The following VWCE variants were observed in gnomAD, a reference collection of about 807,000 sequenced individuals.
VWCE encodes the protein von Willebrand factor C and EGF domain-containing protein.
In VWCE, 68 loss-of-function variants were observed where a neutral mutation model predicts 102.9. The observed-to-expected ratio is 0.66, with a 90% CI of 0.54 to 0.81. The LOEUF is 0.81. Among genes scored for constraint, VWCE ranks in the 30% least tolerant of loss-of-function variants. The probability of loss-of-function intolerance (pLI) is 0.00; values close to 1 mark genes in which losing one functional copy is unlikely to be tolerated. For missense variants in VWCE, 1,137 were observed against 1,263.6 expected (o/e 0.90, Z 1.52); for synonymous variants, 497 against 515.4 (o/e 0.96, Z 0.48).
intron 9 of VWCE, among the ~76,000 whole-genome samples, chr11:61,280,187 C>T (rs1372447853): frequency 3.9e-5 from 6 of 151,914 alleles, no homozygotes. Context: ...AAAAAGGGGG[C>T]AGAATTTAGA....
chr11:61,290,952 G>A (rs745314137), intron 3 of VWCE, 25 bp from the exon 4 acceptor site: 3 of 1,605,208 alleles, frequency 1.9e-6, no homozygotes, highest in South Asian at 1.1e-5. Context: ...ACACCAGTGA[G>A]CATGCACCCC....
intron 12 of VWCE, 115 bp from the exon 13 acceptor site, chr11:61,273,431 C>A: frequency 3.1e-6 from 3 of 960,848 alleles, no homozygotes; most frequent in Non-Finnish European, 4.6e-6. Context: ...TCAAGTGAAA[C>A]TGACAAAGAA....
At chr11:61,273,422 CAAGTGAAACTGACAAAGAAATCTACTA>C (rs1358969411) in intron 12 of VWCE, 106 bp from the exon 13 acceptor site, 43 of 1,038,168 alleles carry the variant, frequency 4.1e-5, no homozygotes, top group Admixed American at 5.3e-5. Context: ...CCCGGCTACT[CAAGTGAAACTGACAAAGAAATCTACTA>C]AAGTGAAACT....
Position 61,286,470 on chromosome 11 carries a change from G to A in VWCE, c.425-40C>T, listed in dbSNP as rs764232816. 119 of 1,560,856 alleles carry A rather than the reference G, an allele frequency of 7.6e-5. No homozygotes were observed. The Admixed American group carries it at 1.8e-3, about 24-fold the overall frequency. On this transcript the variant is annotated intron_variant, in intron 4 of 19. Transcript: ENST00000335613. ...AGCACGTGTTTACACAGTGGTCCTC[G>A]CAAGAGGAACTTACACATTTGTCAG...
intron 13 of VWCE, 94 bp from the exon 14 acceptor site, chr11:61,271,854 C>T (rs1854716086): frequency 1.2e-5 from 13 of 1,047,326 alleles, no homozygotes; most frequent in Non-Finnish European, 1.9e-5. Context: ...CACACACAGA[C>T]ACCGATATCA....
chr11:61,286,958 G>A lies in VWCE; in HGVS notation c.425-528C>T, dbSNP rs543483673. 4.6e-5 allele frequency among the ~76,000 whole-genome samples: 7 copies of A among 151,482 alleles called. No homozygotes were observed. The East Asian group carries it at 9.8e-4, about 21-fold the overall frequency. The stretch of plus-strand genomic sequence containing the variant: ...TAAAAATACAAAAAATTAGCTGGGC[G>A]CGGTGGCGGGCACCTGTAGTCCCAG... On this transcript the variant is annotated intron_variant, in intron 4 of 19. Transcript: ENST00000335613.
At chr11:61,278,932 G>A (rs1164579996) in intron 9 of VWCE, among the ~76,000 whole-genome samples, 1 of 152,028 alleles carries the variant, frequency 6.6e-6, no homozygotes, top group African/African-American at 2.4e-5. Flanking sequence ...CCAGCTACTC[G>A]GGAGGCTGAA....
At chr11:61,282,302 T>C (rs1316981439) in intron 6 of VWCE, among the ~76,000 whole-genome samples, 1 of 152,120 alleles carries the variant, frequency 6.6e-6, no homozygotes, top group Non-Finnish European at 1.5e-5. Context: ...TCGGGACAAA[T>C]ACCTAACTCC....
In VWCE at chr11:61,259,088, C is replaced by CT; in HGVS notation, c.2454dup (p.Gly819ArgfsTer109). The CT allele has an allele frequency of 6.2e-7, 1 of 1,614,058 alleles. No individual in the cohort carries two copies. Among genetic ancestry groups the CT allele is most frequent in the Non-Finnish European group, 8.5e-7 (1 of 1,179,944 alleles). On this transcript the variant is annotated frameshift_variant, in exon 20 of 20. Coordinates refer to ENST00000335613, the MANE Select transcript of VWCE (RefSeq NM_152718.2). LOFTEE classifies it low-confidence loss of function (END_TRUNC). ...GCGAGTGAGTGTGGACCATGAGCTC[C>CT]TGCCGGGCTTGTAGGTAAAGTCTGT...
intron 9 of VWCE, 48 bp downstream of exon 9, chr11:61,280,576 G>A: frequency 6.3e-7 from 1 of 1,590,838 alleles, no homozygotes. Flanking sequence ...GGAGGGTGCA[G>A]AGAAAGGAAG....
chr11:61,270,074 C>G (rs547936088), intron 14 of VWCE, among the ~76,000 whole-genome samples: 39 of 152,118 alleles, frequency 2.6e-4, no homozygotes, highest in African/African-American at 8.7e-4. Flanking sequence ...CCCGCCACCA[C>G]GCCCAGCTAA....
intron 14 of VWCE, chr11:61,271,374 T>C: frequency 3.3e-6 from 1 of 301,466 alleles, no homozygotes; most frequent in Non-Finnish European, 6.6e-6. Flanking sequence ...CTCGATCTCC[T>C]GACCTTGTGA....
chr11:61,280,636 G>A lies in VWCE; in HGVS notation c.1312C>T (p.Pro438Ser), dbSNP rs138602525. The A allele has an allele frequency of 7.7e-5, 124 of 1,614,030 alleles. No individual in the cohort carries two copies. The highest frequency in any genetic ancestry group is 1.0e-4 in the Non-Finnish European group (118 of 1,180,014). Residue 438 changes from proline to serine, a missense_variant, in exon 9 of 20, where the codon CCA becomes TCA. Physicochemically the swap from Pro to Ser is moderately conservative, Grantham distance 74. This residue lies in a region of VWCE where 575 missense variants were observed against 625.9 expected (regional missense o/e 0.92). Coordinates refer to ENST00000335613, the MANE Select transcript of VWCE (RefSeq NM_152718.2). ...PIPSRDGGCC[P>S]SCTGCFHSGV... ...CACCAGCTCTCACCTGTGCACGATG[G>A]GCAGCACCCACCATCTCTGGAGGGA...
intron 6 of VWCE, 84 bp downstream of exon 6, chr11:61,282,705 A>C (rs1440050136): frequency 8.9e-7 from 1 of 1,125,988 alleles, no homozygotes; most frequent in African/African-American, 1.5e-5. Flanking sequence ...TCTAATTGTT[A>C]ACCTTCCCGG....
At chr11:61,290,954 A>T in intron 3 of VWCE, 27 bp from the exon 4 acceptor site, 1 of 1,604,204 alleles carries the variant, frequency 6.2e-7, no homozygotes, top group Non-Finnish European at 8.5e-7. Flanking sequence ...ACCAGTGAGC[A>T]TGCACCCCGT....
At chr11:61,264,845 G>A in intron 18 of VWCE, 111 bp downstream of exon 18, 2 of 1,201,406 alleles carry the variant, frequency 1.7e-6, no homozygotes, top group Admixed American at 3.9e-5. Flanking sequence ...GGCGGAGGAT[G>A]GCAGGAGGAT....
intron 14 of VWCE, 154 bp downstream of exon 14, chr11:61,271,521 T>C (rs1854699124): frequency 3.0e-6 from 2 of 672,090 alleles, no homozygotes; most frequent in South Asian, 1.7e-5. Flanking sequence ...ATAAACTCGG[T>C]CCAACCCTTT....
intron 19 of VWCE, among the ~76,000 whole-genome samples, chr11:61,262,985 T>C (rs377141710): frequency 6.6e-6 from 1 of 152,262 alleles, no homozygotes; most frequent in Non-Finnish European, 1.5e-5. Flanking sequence ...ATATACCACA[T>C]TTCTTTATCC....
Position 61,264,479 on chromosome 11 carries a change from C to T in VWCE, c.2230+8G>A. ...CGGAGAAACTCCAGGACCCAGAGAC[C>T]CACTTACCTGGACAGGAAGAGCAGC... is the stretch of plus-strand genomic sequence containing the variant. On this transcript the variant is annotated splice_region_variant and intron_variant, in intron 19 of 19. Transcript: ENST00000335613. The T allele has an allele frequency of 6.2e-7, 1 of 1,612,750 alleles. No individual in the cohort carries two copies. Among genetic ancestry groups the T allele is most frequent in the Non-Finnish European group, 8.5e-7 (1 of 1,179,472 alleles).
Sources: allele counts gnomAD v4.1 joint callset (sites outside exome capture counted in the v4.1 genomes callset), GRCh38; gene constraint gnomAD v4.1.1; regional missense constraint gnomAD v4.1.1; transcripts MANE v1.5; gene names NCBI Gene and HGNC (gene_info 2026-07-23, HGNC 2026-07-21).